The following THSD4 variants were observed in gnomAD, a reference collection of about 807,000 sequenced individuals.
The protein encoded by THSD4 is thrombospondin type-1 domain-containing protein 4.
In THSD4, 69 loss-of-function variants were observed where a neutral mutation model predicts 119.0. The ratio of observed to expected loss-of-function variants is 0.58; its 90% CI spans 0.48 to 0.71. The LOEUF is 0.71. Ranked by LOEUF, THSD4 falls within the 30% of genes least tolerant of loss-of-function variation. THSD4 has a pLI of 0.00. For missense variants in THSD4, 1,393 were observed against 1,391.1 expected (o/e 1.00, Z -0.02); for synonymous variants, 524 against 540.4 (o/e 0.97, Z 0.42).
chr15:71,696,040 T>A (rs190548830), intron 8 of THSD4, among the ~76,000 whole-genome samples: 4 of 152,358 alleles, frequency 2.6e-5, no homozygotes, highest in African/African-American at 9.6e-5. Flanking sequence ...CCTCAATAAA[T>A]GTTAGCTAGT....
chr15:71,772,674 C>T (rs1295145847), intron 17 of THSD4, among the ~76,000 whole-genome samples: 1 of 152,052 alleles, frequency 6.6e-6, no homozygotes, highest in African/African-American at 2.4e-5. Flanking sequence ...TTTACTTTTG[C>T]ACAAACCTGA....
At chr15:71,728,013 A>G (rs2141128311) in intron 8 of THSD4, among the ~76,000 whole-genome samples, 1 of 152,172 alleles carries the variant, frequency 6.6e-6, no homozygotes, top group East Asian at 1.9e-4. Flanking sequence ...GGGAGTGTGA[A>G]GCCAATGTTA....
intron 7 of THSD4, among the ~76,000 whole-genome samples, chr15:71,554,393 G>GT (rs777518082): frequency 1.3e-4 from 19 of 150,150 alleles, no homozygotes; most frequent in African/African-American, 4.2e-4. Flanking sequence ...CCATGCCCCG[G>GT]TTTTTTTTGT....
chr15:71,289,082 C>T (rs1404494983), intron 6 of THSD4, among the ~76,000 whole-genome samples: 1 of 152,160 alleles, frequency 6.6e-6, no homozygotes, highest in Admixed American at 6.5e-5. Context: ...CCTGTGCTGC[C>T]TCAGGTCCTC....
At chr15:71,249,488 G>A (rs2044238609) in intron 5 of THSD4, among the ~76,000 whole-genome samples, 1 of 144,264 alleles carries the variant, frequency 6.9e-6, no homozygotes, top group African/African-American at 2.6e-5. Flanking sequence ...ATTATAGAAA[G>A]TTGTTCTCTT....
At chr15:71,407,951 A>G (rs560868363) in intron 6 of THSD4, among the ~76,000 whole-genome samples, 1 of 152,188 alleles carries the variant, frequency 6.6e-6, no homozygotes, top group Non-Finnish European at 1.5e-5. Context: ...GTGTGTGGAC[A>G]GGATGCTAGG....
At chr15:71,726,345 G>T (rs2052837484) in intron 8 of THSD4, among the ~76,000 whole-genome samples, 1 of 152,152 alleles carries the variant, frequency 6.6e-6, no homozygotes, top group Non-Finnish European at 1.5e-5. Context: ...CTCTGGGAAG[G>T]CCCATTGTAG....
chr15:71,206,797 A>G (rs1596268885), intron 3 of THSD4, among the ~76,000 whole-genome samples: 1 of 152,326 alleles, frequency 6.6e-6, no homozygotes, highest in East Asian at 1.9e-4. Flanking sequence ...CCCACTCTCC[A>G]CAATCTGCTC....
intron 8 of THSD4, among the ~76,000 whole-genome samples, chr15:71,703,971 T>A (rs1393459875): frequency 2.6e-5 from 4 of 152,148 alleles, no homozygotes; most frequent in African/African-American, 9.7e-5. Flanking sequence ...TGCCTCAGCC[T>A]CCCGAGTAGC....
chr15:71,169,771 A>G (rs1054030017), intron 3 of THSD4, among the ~76,000 whole-genome samples: 3 of 152,218 alleles, frequency 2.0e-5, no homozygotes, highest in Non-Finnish European at 4.4e-5. Context: ...GAATTGAGTC[A>G]TAAAATGTCC....
intron 12 of THSD4, among the ~76,000 whole-genome samples, chr15:71,746,228 T>G (rs2053333323): frequency 6.6e-6 from 1 of 151,966 alleles, no homozygotes; most frequent in South Asian, 2.1e-4. Context: ...AACTAACCTT[T>G]GGAGGTTTTT....
chr15:71,395,954 A>ACACACACACACACACACACACACAC (rs1566968379), intron 6 of THSD4, among the ~76,000 whole-genome samples: 2 of 108,562 alleles, frequency 1.8e-5, no homozygotes, highest in Non-Finnish European at 4.2e-5. Context: ...CACACACACA[A>ACACACACACACACACACACACACAC]ACACAGACTT....
intron 7 of THSD4, among the ~76,000 whole-genome samples, chr15:71,544,434 G>A (rs1259476951): frequency 3.3e-5 from 5 of 152,210 alleles, no homozygotes; most frequent in African/African-American, 1.2e-4. Flanking sequence ...GCTATGGAAA[G>A]AGAGTGGTTC....
chr15:71,592,740 G>T (rs1369985769), intron 7 of THSD4, among the ~76,000 whole-genome samples: 7 of 152,046 alleles, frequency 4.6e-5, no homozygotes, highest in Non-Finnish European at 1.0e-4. Flanking sequence ...TCTAGGTTGA[G>T]AACAGCATGC....
At chr15:71,661,760 A>C (rs1302525101) in intron 8 of THSD4, among the ~76,000 whole-genome samples, 2 of 152,194 alleles carry the variant, frequency 1.3e-5, no homozygotes, top group African/African-American at 4.8e-5. Flanking sequence ...TTAACAATAT[A>C]AGGGAGCCAT....
At chr15:71,482,671 C>T (rs1229677692) in intron 7 of THSD4, among the ~76,000 whole-genome samples, 1 of 151,800 alleles carries the variant, frequency 6.6e-6, no homozygotes, top group East Asian at 1.9e-4. Flanking sequence ...CTGCAACCTC[C>T]ACCTCCCAAG....
At chr15:71,718,148 C>A (rs926137347) in intron 8 of THSD4, among the ~76,000 whole-genome samples, 63 of 123,130 alleles carry the variant, frequency 5.1e-4, no homozygotes, top group African/African-American at 1.7e-3. Flanking sequence ...GACCCTGTCT[C>A]AAAAAAAAAA....
rs1052746391 is a variant in THSD4 at position 71,782,709 on chromosome 15, T to A, written c.*5335T>A. ...TGCTAATCAGTCCAGTTCCCTGAGG[T>A]TTAAGATCAAATATAAATTACTCTG... On this transcript the variant is annotated 3_prime_UTR_variant, in exon 18 of 18. Coordinates refer to ENST00000261862, the MANE Select transcript of THSD4 (RefSeq NM_024817.3). The A allele has an allele frequency of 2.6e-5, 4 of 152,182 alleles. No homozygotes were observed. The highest frequency in any genetic ancestry group is 2.6e-4 in the Admixed American group (4 of 15,280). The allele number at this position is 152,182 out of a possible 1,614,324, so 9.4% of individuals were successfully genotyped here.
intron 6 of THSD4, among the ~76,000 whole-genome samples, chr15:71,322,688 C>T (rs1284150658): frequency 6.6e-6 from 1 of 152,110 alleles, no homozygotes; most frequent in Non-Finnish European, 1.5e-5. Flanking sequence ...TAGCTCACTC[C>T]CTGGTGCTGG....
Sources: allele counts gnomAD v4.1 joint callset (sites outside exome capture counted in the v4.1 genomes callset), GRCh38; gene constraint gnomAD v4.1.1; transcripts MANE v1.5; gene names NCBI Gene and HGNC (gene_info 2026-07-23, HGNC 2026-07-21).